STK32A: variants seen among roughly 807,000 people sequenced by gnomAD.
STK32A encodes serine/threonine kinase 32A.
In STK32A, 41 loss-of-function variants were observed where a neutral mutation model predicts 53.2. The ratio of observed to expected loss-of-function variants is 0.77; its 90% CI spans 0.60 to 1.00. STK32A has a LOEUF of 1.00. STK32A is among the 50% of genes least tolerant of loss of function. The pLI is 0.00. For synonymous variants in STK32A, 166 were observed against 162.8 expected, an observed-to-expected ratio of 1.02 and a Z score of -0.15; for missense variants, 458 against 485.8, an observed-to-expected ratio of 0.94 and a Z score of 0.54.
At chr5:147,322,651 TAAAGAAACATGTC>T (rs1489156783) in intron 4 of STK32A, among the ~76,000 whole-genome samples, 4 of 152,216 alleles carry the variant, frequency 2.6e-5, no homozygotes, top group Admixed American at 2.0e-4. Flanking sequence ...ATGTTATGTC[TAAAGAAACATGTC>T]AAAGAAACAT....
intron 2 of STK32A, among the ~76,000 whole-genome samples, chr5:147,276,875 G>T (rs1755285530): frequency 6.6e-6 from 1 of 152,148 alleles, no homozygotes; most frequent in Non-Finnish European, 1.5e-5. Context: ...GAGGCTCAAA[G>T]AGTCTGTCAT....
intron 4 of STK32A, among the ~76,000 whole-genome samples, chr5:147,313,706 T>C (rs1753816803): frequency 6.6e-6 from 1 of 152,174 alleles, no homozygotes. Context: ...ATAATCAAGA[T>C]AGGGTGGTCC....
At position 147,278,199 on chromosome 5, in the gene STK32A, A is replaced by G; in HGVS notation, c.108+20A>G. The G allele has an allele frequency of 6.3e-7, 1 of 1,582,194 alleles. No homozygotes were observed. Among genetic ancestry groups the G allele is most frequent in the East Asian group, 2.3e-5 (1 of 44,058 alleles). ...GGGAAGGTGAGAACAAATTGAAATG[A>G]TTAACCACCAGCAGGGTTATGTAGC... is the stretch of plus-strand genomic sequence containing the variant. On this transcript the variant is annotated intron_variant, in intron 3 of 12. Transcript: ENST00000397936.
intron 4 of STK32A, among the ~76,000 whole-genome samples, chr5:147,294,787 A>G (rs7702978): frequency 0.11 from 17,275 of 151,720 alleles, 1,069 homozygotes; most frequent in Admixed American, 0.15. Context: ...GGGTTCAAGC[A>G]ATTCTCTTGC....
Position 147,324,042 on chromosome 5 carries a change from C to G in STK32A, c.405C>G (p.Asp135Glu). The G allele has an allele frequency of 6.2e-7, 1 of 1,608,970 alleles. No individual in the cohort carries two copies. Among genetic ancestry groups the G allele is most frequent in the Non-Finnish European group, 8.5e-7 (1 of 1,177,716 alleles). ...LFICELVMAL[D>E]YLQNQRIIHR... is the part of the protein sequence containing the mutation. Reference sequence around the variant, plus strand: ...TCTGTGAGCTGGTCATGGCCCTGGACTACCTGCAGAACCAGCGCATCATTC... The same window carrying G: ...TCTGTGAGCTGGTCATGGCCCTGGAGTACCTGCAGAACCAGCGCATCATTC... Residue 135 changes from aspartate to glutamate, a missense_variant, in exon 5 of 13, where the codon GAC becomes GAG. Asp to Glu is a conservative substitution (Grantham distance 45). Transcript: ENST00000397936.
intron 2 of STK32A, among the ~76,000 whole-genome samples, chr5:147,252,282 A>T (rs1195687831): frequency 1.3e-5 from 2 of 152,172 alleles, no homozygotes; most frequent in Non-Finnish European, 2.9e-5. Context: ...TAAAATATTG[A>T]AGTTTTTGCC....
Position 147,317,295 on chromosome 5 carries a change from C to T in STK32A, c.261-6603C>T, listed in dbSNP as rs1034507547. Reference sequence around the variant, plus strand: ...CAGACTGTGAAAATACTACAGCAAACATTTAGGGTCTTTTTTTCTTTTTCT... The same window carrying T: ...CAGACTGTGAAAATACTACAGCAAATATTTAGGGTCTTTTTTTCTTTTTCT... On this transcript the variant is annotated intron_variant, in intron 4 of 12. Transcript: ENST00000397936. 4.8e-5 allele frequency among the ~76,000 whole-genome samples: 7 copies of T among 145,114 alleles called. No individual in the cohort carries two copies. The South Asian group carries it at 1.5e-3, about 32-fold the overall frequency.
intron 2 of STK32A, among the ~76,000 whole-genome samples, chr5:147,264,234 C>A (rs1754708825): frequency 1.3e-5 from 2 of 152,140 alleles, no homozygotes; most frequent in African/African-American, 4.8e-5. Flanking sequence ...CATGCAAGAG[C>A]CAGGAATCTA....
At chr5:147,373,111 AT>A (rs545467225) in intron 9 of STK32A, 57 bp from the exon 10 acceptor site, 231 of 1,573,870 alleles carry the variant, frequency 1.5e-4, no homozygotes, top group Admixed American at 5.7e-4. Flanking sequence ...AATTTGTATG[AT>A]TTTTTTTTGT....
intron 6 of STK32A, among the ~76,000 whole-genome samples, chr5:147,344,437 G>A (rs1755585414): frequency 6.6e-6 from 1 of 152,164 alleles, no homozygotes; most frequent in South Asian, 2.1e-4. Context: ...AGAAATGTGA[G>A]CAATGGTGAG....
chr5:147,368,669 T>G (rs138010584), intron 8 of STK32A, among the ~76,000 whole-genome samples: 1 of 152,160 alleles, frequency 6.6e-6, no homozygotes, highest in Non-Finnish European at 1.5e-5. Flanking sequence ...TTTTAAAATT[T>G]AGAACTGTAA....
At chr5:147,391,657 T>C (rs1310915998), downstream of STK32A, 2 of 152,204 alleles carry the variant, frequency 1.3e-5, no homozygotes. Context: ...GTTTGATGTG[T>C]CTTATGAAAC....
chr5:147,381,037 G>A (rs1312334037), intron 11 of STK32A, among the ~76,000 whole-genome samples: 1 of 151,786 alleles, frequency 6.6e-6, no homozygotes, highest in East Asian at 1.9e-4. Flanking sequence ...TTACTGTCTC[G>A]TGTCCTTTCA....
rs1755008452 is a variant in STK32A at position 147,271,049 on chromosome 5, G to A, written c.53-7075G>A. Reference sequence around the variant, plus strand: ...CTTGCTCTGTCACCCAGGCTGGAGTGCAGTGGCACAGTCTTGGCTCACTGC... The same window carrying A: ...CTTGCTCTGTCACCCAGGCTGGAGTACAGTGGCACAGTCTTGGCTCACTGC... On this transcript the variant is annotated intron_variant, in intron 2 of 12. Coordinates refer to ENST00000397936, the MANE Select transcript of STK32A (RefSeq NM_001112724.2). 2.6e-5 allele frequency among the ~76,000 whole-genome samples: 4 copies of A among 151,624 alleles called. No homozygotes were observed. In the South Asian group the frequency reaches 6.3e-4, roughly 24 times the overall value.
At chr5:147,241,254 G>A (rs11167964) in intron 2 of STK32A, among the ~76,000 whole-genome samples, 61,995 of 152,032 alleles carry the variant, frequency 0.41, 12,784 homozygotes, top group Admixed American at 0.45. Flanking sequence ...CGAGGCGGGC[G>A]GATCACGAGG....
At chr5:147,303,730 GTTA>G (rs1753256080) in intron 4 of STK32A, among the ~76,000 whole-genome samples, 3 of 152,232 alleles carry the variant, frequency 2.0e-5, no homozygotes, top group Admixed American at 2.0e-4. Flanking sequence ...GCCACATGAT[GTTA>G]TTGAGTCCTT....
chr5:147,335,881 G>A (rs1487303627), intron 5 of STK32A, among the ~76,000 whole-genome samples: 4 of 152,224 alleles, frequency 2.6e-5, no homozygotes. Context: ...AAAATACCCA[G>A]TTGAAAACTG....
At chr5:147,366,377 G>A (rs78473127) in intron 8 of STK32A, among the ~76,000 whole-genome samples, 4,231 of 152,246 alleles carry the variant, frequency 0.028, 200 homozygotes, top group East Asian at 0.2. Flanking sequence ...TATCTTCATT[G>A]CAGGGCTTTT....
intron 4 of STK32A, among the ~76,000 whole-genome samples, chr5:147,287,941 G>A (rs1752422864): frequency 6.6e-6 from 1 of 151,836 alleles, no homozygotes; most frequent in Admixed American, 6.6e-5. Context: ...TGTGGGCAAA[G>A]TTGATTTCAT....
Sources: gnomAD v4.1 joint callset for allele counts (sites outside exome capture counted in the v4.1 genomes callset) on GRCh38, gnomAD v4.1.1 for gene constraint, MANE v1.5 for transcripts, NCBI Gene and HGNC (gene_info 2026-07-23, HGNC 2026-07-21) for gene names.